The following HECW2 variants were observed in gnomAD, a reference collection of about 807,000 sequenced individuals.
HECW2 encodes HECT, C2 and WW domain containing E3 ubiquitin protein ligase 2.
In HECW2, 61 loss-of-function variants were observed where a neutral mutation model predicts 175.2. That is an observed-to-expected ratio of 0.35 (90% CI 0.28 to 0.43). The LOEUF is 0.43. Among genes scored for constraint, HECW2 ranks in the 20% least tolerant of loss-of-function variants. HECW2 has a pLI of 1.00. For synonymous variants in HECW2, 671 were observed against 731.0 expected (o/e 0.92, Z 1.32); for missense variants, 1,524 against 2,000.5 (o/e 0.76, Z 4.54).
chr2:196,561,026 C>T, intron 1 of HECW2, among the ~76,000 whole-genome samples: 1 of 152,194 alleles, frequency 6.6e-6, no homozygotes, highest in East Asian at 1.9e-4. Flanking sequence ...GTTCAGGGAA[C>T]AAGGGAGATA....
intron 1 of HECW2, among the ~76,000 whole-genome samples, chr2:196,464,310 T>A (rs913591107): frequency 4.6e-5 from 7 of 152,054 alleles, no homozygotes; most frequent in African/African-American, 1.4e-4. Flanking sequence ...GGGGAAAAAA[T>A]TTCAGGTAGA....
At chr2:196,389,954 C>T (rs1424364927) in intron 2 of HECW2, among the ~76,000 whole-genome samples, 2 of 152,122 alleles carry the variant, frequency 1.3e-5, no homozygotes, top group Non-Finnish European at 2.9e-5. Context: ...TAAGCTTCCA[C>T]AGCCAGCCAA....
At chr2:196,209,681 T>A (rs1687193707) in intron 28 of HECW2, among the ~76,000 whole-genome samples, 1 of 152,050 alleles carries the variant, frequency 6.6e-6, no homozygotes, top group African/African-American at 2.4e-5. Context: ...GAGGGACACC[T>A]CAGGGCAAAT....
chr2:196,283,756 A>G (rs190026586), intron 14 of HECW2, among the ~76,000 whole-genome samples: 1 of 152,362 alleles, frequency 6.6e-6, no homozygotes, highest in Admixed American at 6.5e-5. Flanking sequence ...CACTGGAAAC[A>G]GTGAAGTTTC....
rs143042281 is a variant in HECW2 at position 196,287,795 on chromosome 2, T to C, written c.3000+4770A>G. Among the ~76,000 whole-genome samples the C allele has an allele frequency of 3.3e-5, 5 of 152,272 alleles. No individual in the cohort carries two copies. The East Asian group carries it at 9.6e-4, about 29-fold the overall frequency. On this transcript the variant is annotated intron_variant, in intron 14 of 28. Transcript: ENST00000644978. ...CTTTCCTGTCTCTGTGCCTTTCCTT[T>C]GGGTGTTTTCCCCACCCCATTCCTA...
chr2:196,363,732 G>C (rs1476569292), intron 2 of HECW2, among the ~76,000 whole-genome samples: 1 of 152,162 alleles, frequency 6.6e-6, no homozygotes, highest in African/African-American at 2.4e-5. Context: ...GCTGAGGTGG[G>C]AGGAGCGCTT....
At chr2:196,472,810 G>A (rs1303180455) in intron 1 of HECW2, among the ~76,000 whole-genome samples, 2 of 151,990 alleles carry the variant, frequency 1.3e-5, no homozygotes, top group Non-Finnish European at 2.9e-5. Context: ...TAGTAGAGAC[G>A]GGGTTTCGCC....
intron 1 of HECW2, among the ~76,000 whole-genome samples, chr2:196,500,878 T>C (rs955476853): frequency 1.3e-5 from 2 of 152,196 alleles, no homozygotes; most frequent in African/African-American, 4.8e-5. Flanking sequence ...GACTCAACAC[T>C]TTAGAATCTA....
At chr2:196,344,796 T>G (rs925324629) in intron 2 of HECW2, among the ~76,000 whole-genome samples, 1 of 152,136 alleles carries the variant, frequency 6.6e-6, no homozygotes, top group African/African-American at 2.4e-5. Context: ...AACTGAGAGT[T>G]GGAATAAAGA....
chr2:196,443,903 C>A (rs547844777), intron 1 of HECW2, among the ~76,000 whole-genome samples: 1 of 152,086 alleles, frequency 6.6e-6, no homozygotes, highest in Non-Finnish European at 1.5e-5. Flanking sequence ...GGCATGGTGG[C>A]GTGCGCCTAT....
intron 2 of HECW2, among the ~76,000 whole-genome samples, chr2:196,382,796 C>CA (rs11445650): frequency 6.6e-6 from 1 of 152,178 alleles, no homozygotes; most frequent in Non-Finnish European, 1.5e-5. Context: ...CAGGGTAGCT[C>CA]CATGATAACC....
At chr2:196,493,220 A>C (rs1030182174) in intron 1 of HECW2, 4 of 152,150 alleles carry the variant, frequency 2.6e-5, no homozygotes, top group African/African-American at 9.7e-5. Context: ...CATTTTAAAA[A>C]TTAGCTGAGC....
At chr2:196,248,555 G>A (rs1025332318) in intron 19 of HECW2, among the ~76,000 whole-genome samples, 2 of 149,696 alleles carry the variant, frequency 1.3e-5, no homozygotes, top group African/African-American at 4.9e-5. Context: ...TAGGAAAGGT[G>A]GGGAAAGGGA....
In HECW2 at chr2:196,197,523, A is replaced by C. The variant is rs1215286675; in HGVS notation, c.*3754T>G. 1.3e-5 allele frequency: 2 copies of C among 152,124 alleles called. No homozygotes were observed. Among genetic ancestry groups the C allele is most frequent in the Non-Finnish European group, 2.9e-5 (2 of 68,038 alleles). The allele number at this position is 152,124 out of a possible 1,614,324, so 9.4% of individuals were successfully genotyped here. A position where few individuals can be genotyped will look rare whatever the true frequency, so the allele number is the denominator to read the frequency against. ...TTTAAATTTCTCATGTCAAGTCATG[A>C]AATGCAAATAAGTCTACGGGGAAAT... On this transcript the variant is annotated 3_prime_UTR_variant, in exon 29 of 29. Transcript: ENST00000644978.
chr2:196,393,598 A>T (rs1339880490), intron 2 of HECW2, among the ~76,000 whole-genome samples: 1 of 152,210 alleles, frequency 6.6e-6, no homozygotes, highest in Non-Finnish European at 1.5e-5. Flanking sequence ...TCAAAACCAC[A>T]ATGAGATACC....
chr2:196,517,429 A>T (rs1392917676), intron 1 of HECW2, among the ~76,000 whole-genome samples: 2 of 152,212 alleles, frequency 1.3e-5, no homozygotes, highest in African/African-American at 4.8e-5. Context: ...AGGAAAAAGA[A>T]ATTACAACAC....
intron 17 of HECW2, among the ~76,000 whole-genome samples, chr2:196,264,380 T>C (rs996726285): frequency 3.9e-5 from 6 of 152,188 alleles, no homozygotes; most frequent in African/African-American, 1.2e-4. Context: ...TATAACAGAA[T>C]GTAGGAAAAA....
At chr2:196,472,910 C>T (rs1041661876) in intron 1 of HECW2, among the ~76,000 whole-genome samples, 2 of 152,190 alleles carry the variant, frequency 1.3e-5, no homozygotes, top group African/African-American at 2.4e-5. Context: ...CCGGAGCCAC[C>T]GCACTCAGCT....
chr2:196,278,752 G>T, intron 14 of HECW2, 90 bp from the exon 15 acceptor site: 1 of 1,404,418 alleles, frequency 7.1e-7, no homozygotes, highest in Non-Finnish European at 1.0e-6. Context: ...ACTCACTTCT[G>T]AGTCACAATC....
Sources: gnomAD v4.1 joint callset for allele counts (sites outside exome capture counted in the v4.1 genomes callset) on GRCh38, gnomAD v4.1.1 for gene constraint, MANE v1.5 for transcripts, NCBI Gene and HGNC (gene_info 2026-07-23, HGNC 2026-07-21) for gene names.